The following HIP1 variants were observed in gnomAD, a reference collection of about 807,000 sequenced individuals.
The protein encoded by HIP1 is huntingtin interacting protein 1.
A neutral mutation model predicts 147.6 loss-of-function variants in HIP1; 65 were observed. The ratio of observed to expected loss-of-function variants is 0.44; its 90% confidence interval spans 0.36 to 0.54. HIP1 has a LOEUF of 0.54. Ranked by LOEUF, HIP1 falls within the 20% of genes least tolerant of loss-of-function variation. The pLI is 0.00. For missense variants in HIP1, 1,061 were observed against 1,299.6 expected, an observed-to-expected ratio of 0.82 and a Z score of 2.82; for synonymous variants, 479 against 504.0, an observed-to-expected ratio of 0.95 and a Z score of 0.67.
At chr7:75,553,874 G>A (rs982107318) in intron 21 of HIP1, among the ~76,000 whole-genome samples, 9 of 152,062 alleles carry the variant, frequency 5.9e-5, no homozygotes, top group African/African-American at 9.7e-5. Flanking sequence ...AAAGTGTTAC[G>A]GCGATTACAG....
chr7:75,595,283 C>CCTTTCTTTTTTTCTCT (rs1554501699), intron 2 of HIP1, among the ~76,000 whole-genome samples: 1 of 83,402 alleles, frequency 1.2e-5, no homozygotes, highest in African/African-American at 7.5e-5. Flanking sequence ...TTCCTTCCTT[C>CCTTTCTTTTTTTCTCT]CTTTCTTTCT....
chr7:75,700,102 C>T (rs1351753376), intron 1 of HIP1, among the ~76,000 whole-genome samples: 2 of 152,156 alleles, frequency 1.3e-5, no homozygotes, highest in African/African-American at 4.8e-5. Context: ...CCGCCCGCAT[C>T]GGCCTCTCAA....
chr7:75,570,118 G>A (rs1795563207), intron 8 of HIP1, among the ~76,000 whole-genome samples: 1 of 151,612 alleles, frequency 6.6e-6, no homozygotes, highest in South Asian at 2.1e-4. Flanking sequence ...ATTTTTAGCA[G>A]ATACAGGGTT....
chr7:75,738,763 G>A, intron 1 of HIP1, 38 bp downstream of exon 1: 1 of 1,588,556 alleles, frequency 6.3e-7, no homozygotes. Flanking sequence ...GCGTCCCTCA[G>A]GGTGCCCCAG....
rs151060531 is a variant in HIP1, at chr7:75,683,131, G to A, written c.120+55670C>T. 1.9e-3 allele frequency among the ~76,000 whole-genome samples: 282 copies of A among 152,102 alleles called. 8 individuals are homozygous for A. In the East Asian group the frequency reaches 0.052, roughly 28 times the overall value. Reference sequence around the variant, plus strand: ...CGAGCAGCTGGGACTACAGGCGTGCGCTACCATGCCCAGCTAATTTTTGTA... The same window carrying A: ...CGAGCAGCTGGGACTACAGGCGTGCACTACCATGCCCAGCTAATTTTTGTA... On this transcript the variant is annotated intron_variant, in intron 1 of 30. Coordinates refer to ENST00000336926, the MANE Select transcript of HIP1 (RefSeq NM_005338.7).
intron 1 of HIP1, among the ~76,000 whole-genome samples, chr7:75,731,172 G>A (rs1554522975): frequency 6.6e-6 from 1 of 151,976 alleles, no homozygotes; most frequent in Non-Finnish European, 1.5e-5. Context: ...GGAGATAGAA[G>A]GGTACAGAAG....
At chr7:75,722,775 A>T (rs782156727) in intron 1 of HIP1, among the ~76,000 whole-genome samples, 7 of 152,200 alleles carry the variant, frequency 4.6e-5, no homozygotes, top group Non-Finnish European at 1.0e-4. Flanking sequence ...AGGTTAAGTA[A>T]ATTATATCTG....
intron 1 of HIP1, chr7:75,611,915 G>A (rs1481043525): frequency 1.4e-5 from 14 of 993,706 alleles, no homozygotes; most frequent in East Asian, 7.0e-5. Flanking sequence ...CCCATCCTCC[G>A]CTCGCCTGGG....
chr7:75,688,830 G>C (rs1800353496), intron 1 of HIP1, among the ~76,000 whole-genome samples: 1 of 152,210 alleles, frequency 6.6e-6, no homozygotes, highest in South Asian at 2.1e-4. Flanking sequence ...TGACTTGGGT[G>C]ACAAGCAGAG....
intron 7 of HIP1, among the ~76,000 whole-genome samples, chr7:75,577,612 C>T (rs1158247834): frequency 2.6e-5 from 4 of 152,118 alleles, no homozygotes; most frequent in African/African-American, 9.7e-5. Context: ...TGGTTGAGGG[C>T]CTGCTATTCA....
intron 1 of HIP1, among the ~76,000 whole-genome samples, chr7:75,619,403 G>A (rs1797768300): frequency 6.6e-6 from 1 of 151,254 alleles, no homozygotes; most frequent in African/African-American, 2.4e-5. Context: ...TGTGCCTGCT[G>A]TAATCCCAGC....
chr7:75,581,201 TG>T, intron 7 of HIP1, 35 bp downstream of exon 7: 2 of 1,530,348 alleles, frequency 1.3e-6, no homozygotes, highest in South Asian at 2.3e-5. Flanking sequence ...GTAGTTCCCA[TG>T]AGAGCCTGGG....
At chr7:75,563,129 C>T (rs1465527796) in intron 10 of HIP1, 54 bp from the exon 11 acceptor site, 1 of 1,613,962 alleles carries the variant, frequency 6.2e-7, no homozygotes, top group Middle Eastern at 1.6e-4. Flanking sequence ...CCCCGCCGGC[C>T]CTTAAGAGAG....
chr7:75,565,427 G>T (rs1554495340), intron 9 of HIP1, among the ~76,000 whole-genome samples: 1 of 152,198 alleles, frequency 6.6e-6, no homozygotes, highest in Non-Finnish European at 1.5e-5. Context: ...CAGCCTCAGG[G>T]CCTGTCTCCT....
chr7:75,578,858 C>T (rs1451650431), intron 7 of HIP1, among the ~76,000 whole-genome samples: 14 of 150,586 alleles, frequency 9.3e-5, no homozygotes, highest in African/African-American at 2.9e-4. Flanking sequence ...CTCTGTCACC[C>T]GGGCTGGAGT....
At chr7:75,540,540 G>A (rs1794266961) in intron 29 of HIP1, among the ~76,000 whole-genome samples, 1 of 151,962 alleles carries the variant, frequency 6.6e-6, no homozygotes, top group Admixed American at 6.6e-5. Flanking sequence ...GAGCCCAGGA[G>A]TTTGAGGCTG....
intron 1 of HIP1, among the ~76,000 whole-genome samples, chr7:75,664,285 CATATATGTATGT>C (rs200212623): frequency 0.26 from 34,775 of 135,262 alleles, 4,879 homozygotes; most frequent in African/African-American, 0.32. Flanking sequence ...TATATACACA[CATATATGTATGT>C]ATATATGTAT....
chr7:75,629,530 C>T (rs908074310), intron 1 of HIP1, among the ~76,000 whole-genome samples: 6 of 146,818 alleles, frequency 4.1e-5, no homozygotes, highest in Non-Finnish European at 8.9e-5. Flanking sequence ...CCTTCAATTG[C>T]GGCTCCCCCG....
At chr7:75,651,460 CAAAAAAAAAAAAAAAAAA>C (rs1168846001) in intron 1 of HIP1, among the ~76,000 whole-genome samples, 1 of 44,102 alleles carries the variant, frequency 2.3e-5, no homozygotes, top group Admixed American at 3.6e-4. Flanking sequence ...CTCCATATCT[CAAAAAAAAAAAAAAAAAA>C]AAAAAAAAAA....
Sources: allele counts gnomAD v4.1 joint callset (sites outside exome capture counted in the v4.1 genomes callset), GRCh38; gene constraint gnomAD v4.1.1; transcripts MANE v1.5; gene names NCBI Gene and HGNC (gene_info 2026-07-23, HGNC 2026-07-21).